Variants in SLC24A3 observed in about 807,000 individuals in gnomAD.
The protein encoded by SLC24A3 is solute carrier family 24 member 3, also known as sodium/potassium/calcium exchanger 3.
Under a neutral mutation model 75.8 loss-of-function variants are expected in SLC24A3, and 28 were observed. The ratio of observed to expected loss-of-function variants is 0.37; its 90% CI spans 0.27 to 0.51. SLC24A3 has a LOEUF of 0.51. Ranked by LOEUF, SLC24A3 falls within the 20% of genes least tolerant of loss-of-function variation. SLC24A3 has a pLI of 0.94. For missense variants in SLC24A3, 663 were observed against 847.8 expected (o/e 0.78, Z 2.71); for synonymous variants, 372 against 334.1 (o/e 1.11, Z -1.24).
intron 2 of SLC24A3, among the ~76,000 whole-genome samples, chr20:19,450,584 C>T (rs1285923976): frequency 1.3e-5 from 2 of 152,294 alleles, no homozygotes; most frequent in East Asian, 1.9e-4. Flanking sequence ...TAGTGGCCAC[C>T]TTTCCTGAGA....
intron 2 of SLC24A3, among the ~76,000 whole-genome samples, chr20:19,515,047 A>G (rs1471787032): frequency 2.0e-5 from 3 of 152,242 alleles, no homozygotes; most frequent in Non-Finnish European, 4.4e-5. Context: ...AGCAGTTTTC[A>G]ATGCATGCAT....
At chr20:19,542,530 A>T (rs1254418920) in intron 3 of SLC24A3, among the ~76,000 whole-genome samples, 1 of 152,188 alleles carries the variant, frequency 6.6e-6, no homozygotes, top group African/African-American at 2.4e-5. Flanking sequence ...TGAACATTAG[A>T]GTATCAGTAG....
At chr20:19,236,841 C>T (rs572320003) in intron 1 of SLC24A3, among the ~76,000 whole-genome samples, 6 of 152,208 alleles carry the variant, frequency 3.9e-5, no homozygotes, top group African/African-American at 1.4e-4. Flanking sequence ...GTGGCAGAAA[C>T]CCACAGAGAG....
intron 2 of SLC24A3, among the ~76,000 whole-genome samples, chr20:19,368,840 G>A (rs1300444793): frequency 6.6e-6 from 1 of 152,198 alleles, no homozygotes; most frequent in Non-Finnish European, 1.5e-5. Flanking sequence ...ACAGGAGCCA[G>A]CTTGAAGAAG....
chr20:19,417,703 G>A (rs916084527), intron 2 of SLC24A3, among the ~76,000 whole-genome samples: 14 of 152,174 alleles, frequency 9.2e-5, no homozygotes, highest in Non-Finnish European at 1.5e-4. Context: ...ACACAGTCAG[G>A]AAACCAGCCT....
At chr20:19,464,573 T>G (rs1987733457) in intron 2 of SLC24A3, among the ~76,000 whole-genome samples, 1 of 152,230 alleles carries the variant, frequency 6.6e-6, no homozygotes, top group African/African-American at 2.4e-5. Context: ...TTCTCACTCA[T>G]TTGCTGTCAG....
At chr20:19,318,953 C>T (rs1490140463) in intron 2 of SLC24A3, among the ~76,000 whole-genome samples, 1 of 152,014 alleles carries the variant, frequency 6.6e-6, no homozygotes, top group African/African-American at 2.4e-5. Flanking sequence ...ACAGTTCTTC[C>T]CCTTGTTACC....
rs768687394 is a variant in SLC24A3 at position 19,629,961 on chromosome 20, G to A, written c.613-24101G>A. Among the ~76,000 whole-genome samples the A allele has an allele frequency of 1.8e-4, 28 of 152,266 alleles. 1 individual carries two copies. Among genetic ancestry groups the A allele is most frequent in the Non-Finnish European group, 3.7e-4 (25 of 67,992 alleles). ...GCCAAACAAAAGTATACAAAAATAT[G>A]AAGCTCTCTGGTAAAGGTAAATACA... On this transcript the variant is annotated intron_variant, in intron 6 of 16. Coordinates refer to ENST00000328041, the MANE Select transcript of SLC24A3 (RefSeq NM_020689.4).
chr20:19,684,132 C>G, intron 10 of SLC24A3, 44 bp from the exon 11 acceptor site: 1 of 1,593,994 alleles, frequency 6.3e-7, no homozygotes, highest in Non-Finnish European at 8.6e-7. Flanking sequence ...CTTTCCTGCT[C>G]CTGGCCTCCA....
chr20:19,580,180 C>A, intron 4 of SLC24A3, 106 bp downstream of exon 4: 1 of 894,676 alleles, frequency 1.1e-6, no homozygotes, highest in Admixed American at 2.3e-5. Context: ...CCTCGCAGGG[C>A]AGCTGCAGCG....
chr20:19,647,378 T>C (rs7274966), intron 6 of SLC24A3, among the ~76,000 whole-genome samples: 10,700 of 152,286 alleles, frequency 0.07, 410 homozygotes, highest in Middle Eastern at 0.17. Flanking sequence ...TTAAATTAAA[T>C]TACCCTAAAT....
chr20:19,410,967 G>C (rs1986734385), intron 2 of SLC24A3, among the ~76,000 whole-genome samples: 2 of 152,206 alleles, frequency 1.3e-5, no homozygotes, highest in African/African-American at 4.8e-5. Flanking sequence ...AGCCTTTTGA[G>C]TTGAAGTCTA....
At chr20:19,222,957 A>C (rs1981769591) in intron 1 of SLC24A3, among the ~76,000 whole-genome samples, 1 of 151,950 alleles carries the variant, frequency 6.6e-6, no homozygotes, top group South Asian at 2.1e-4. Flanking sequence ...TTTTAATTGA[A>C]AAATTTTTTA....
rs971470242 is a variant in SLC24A3 at position 19,324,173 on chromosome 20, T to A, written c.271+43086T>A. Among the ~76,000 whole-genome samples the A allele has an allele frequency of 3.3e-5, 5 of 152,276 alleles. No individual in the cohort carries two copies. The East Asian group carries it at 9.7e-4, about 29-fold the overall frequency. ...CAAGCCATTAAATAATTCTTCCTGTTTCAGTCATGTGAAATCTCCTGGCTG... is the reference window on the plus strand; with the variant it reads ...CAAGCCATTAAATAATTCTTCCTGTATCAGTCATGTGAAATCTCCTGGCTG... On this transcript the variant is annotated intron_variant, in intron 2 of 16. Transcript: ENST00000328041.
At chr20:19,416,306 A>G (rs1047845504) in intron 2 of SLC24A3, among the ~76,000 whole-genome samples, 1 of 152,208 alleles carries the variant, frequency 6.6e-6, no homozygotes, top group South Asian at 2.1e-4. Flanking sequence ...CCAGATTCCG[A>G]TTCAGGAAAC....
intron 6 of SLC24A3, 113 bp downstream of exon 6, chr20:19,585,657 G>A: frequency 4.9e-6 from 5 of 1,012,610 alleles, no homozygotes; most frequent in Non-Finnish European, 7.4e-6. Context: ...AGGGCCCAGT[G>A]GTTTGGGCAG....
At chr20:19,383,333 G>A (rs556708252) in intron 2 of SLC24A3, among the ~76,000 whole-genome samples, 1 of 152,150 alleles carries the variant, frequency 6.6e-6, no homozygotes, top group Middle Eastern at 3.2e-3. Flanking sequence ...TGCCAGAAAA[G>A]ATAGGGGAGA....
chr20:19,370,820 G>C (rs1205495604), intron 2 of SLC24A3, among the ~76,000 whole-genome samples: 3 of 152,158 alleles, frequency 2.0e-5, no homozygotes, highest in East Asian at 3.9e-4. Context: ...AGTTCTCACA[G>C]TATTGTGGCT....
chr20:19,587,899 C>T lies in SLC24A3; in HGVS notation c.612+2355C>T, dbSNP rs370801749. ...GACACCATTAGCTATGCTCAGAATA[C>T]GCATCCCTGGGGTTCTCACCTCCAA... On this transcript the variant is annotated intron_variant, in intron 6 of 16. Coordinates refer to ENST00000328041, the MANE Select transcript of SLC24A3 (RefSeq NM_020689.4). 3.3e-4 allele frequency among the ~76,000 whole-genome samples: 50 copies of T among 152,278 alleles called. 2 individuals are homozygous for T. Among genetic ancestry groups the T allele is most frequent in the East Asian group, 1.4e-3 (7 of 5,182 alleles).
Sources: gnomAD v4.1 joint callset for allele counts (sites outside exome capture counted in the v4.1 genomes callset) on GRCh38, gnomAD v4.1.1 for gene constraint, MANE v1.5 for transcripts, NCBI Gene and HGNC (gene_info 2026-07-23, HGNC 2026-07-21) for gene names.